Variants in CKAP5 observed in about 807,000 individuals in gnomAD.
CKAP5 encodes the protein cytoskeleton-associated protein 5.
CKAP5 carries 27 observed loss-of-function variants against 232.8 expected under a neutral mutation model. The observed-to-expected ratio is 0.12, with a 90% CI of 0.09 to 0.16. The LOEUF (loss-of-function observed/expected upper bound fraction) is 0.16, where lower values mean the gene tolerates loss of function less well. Among genes scored for constraint, CKAP5 ranks in the 10% least tolerant of loss-of-function variants. The pLI is 1.00. For synonymous variants in CKAP5, 785 were observed against 841.1 expected, an observed-to-expected ratio of 0.93 and a Z score of 1.16; for missense variants, 1,838 against 2,424.7, an observed-to-expected ratio of 0.76 and a Z score of 5.08.
At chr11:46,795,534 C>A in intron 13 of CKAP5, 60 bp downstream of exon 13, 2 of 1,403,420 alleles carry the variant, frequency 1.4e-6, no homozygotes, top group South Asian at 1.4e-5. Flanking sequence ...AGAGGAACAA[C>A]CACGAACCTG....
chr11:46,839,948 G>C (rs1220214626), intron 1 of CKAP5, among the ~76,000 whole-genome samples: 2 of 152,094 alleles, frequency 1.3e-5, no homozygotes, highest in East Asian at 1.9e-4. Flanking sequence ...AGACCAGCCT[G>C]AGTAACATGG....
At chr11:46,805,150 G>A (rs1939125740) in intron 8 of CKAP5, among the ~76,000 whole-genome samples, 1 of 151,954 alleles carries the variant, frequency 6.6e-6, no homozygotes, top group Non-Finnish European at 1.5e-5. Flanking sequence ...CAGGAGAATC[G>A]CTTGAACTCG....
At chr11:46,745,047 G>A (rs1432517964) in intron 42 of CKAP5, among the ~76,000 whole-genome samples, 1 of 152,196 alleles carries the variant, frequency 6.6e-6, no homozygotes, top group Non-Finnish European at 1.5e-5. Context: ...ATGGGGAAGA[G>A]AAGGTGTCCA....
intron 24 of CKAP5, among the ~76,000 whole-genome samples, chr11:46,772,604 G>C (rs900603098): frequency 2.0e-5 from 3 of 152,006 alleles, no homozygotes; most frequent in African/African-American, 7.3e-5. Flanking sequence ...ATTAGTGTGG[G>C]TCTATTTCTG....
intron 35 of CKAP5, among the ~76,000 whole-genome samples, chr11:46,757,498 A>T (rs968272916): frequency 2.6e-5 from 4 of 152,118 alleles, no homozygotes; most frequent in Non-Finnish European, 5.9e-5. Flanking sequence ...CTCAAAAAAA[A>T]AATTACAAAA....
chr11:46,806,174 C>T (rs1939150355), intron 8 of CKAP5, among the ~76,000 whole-genome samples: 1 of 152,146 alleles, frequency 6.6e-6, no homozygotes, highest in South Asian at 2.1e-4. Flanking sequence ...AATCTATTGT[C>T]TGTCTACTCA....
At chr11:46,843,910 T>G (rs916246906) in intron 1 of CKAP5, among the ~76,000 whole-genome samples, 1 of 152,028 alleles carries the variant, frequency 6.6e-6, no homozygotes, top group African/African-American at 2.4e-5. Context: ...AAAGTCCTAA[T>G]AGAAGCTACA....
rs78693407 is a variant in CKAP5 at position 46,842,245 on chromosome 11, G to C, written c.-38+3975C>G. Among the ~76,000 whole-genome samples, 314 of 152,252 alleles carry C rather than the reference G, an allele frequency of 2.1e-3. 1 individual carries two copies. The highest frequency in any genetic ancestry group is 6.8e-3 in the African/African-American group (284 of 41,548). ...AAGAAGGTGGTCTGCAAAAATCAAA[G>C]AACTATTGAAACCAGGGGGTACAAT... On this transcript the variant is annotated intron_variant, in intron 1 of 43. Coordinates refer to ENST00000529230, the MANE Select transcript of CKAP5 (RefSeq NM_001008938.4).
At position 46,743,960 on chromosome 11, in the gene CKAP5, A is replaced by G. The variant is rs2065003546; in HGVS notation, c.*63T>C. ...ACACTAGGCCTGCTGAGGCCATTTT[A>G]AACTATGAGGACTTCTAGTTTAGTA... On this transcript the variant is annotated 3_prime_UTR_variant, in exon 44 of 44. Coordinates refer to ENST00000529230, the MANE Select transcript of CKAP5 (RefSeq NM_001008938.4). 3.1e-6 allele frequency: 5 copies of G among 1,606,430 alleles called. No homozygotes were observed. In the African/African-American group the frequency reaches 4.0e-5, roughly 13 times the overall value.
At chr11:46,767,997 T>C (rs953994304) in intron 26 of CKAP5, among the ~76,000 whole-genome samples, 3 of 152,076 alleles carry the variant, frequency 2.0e-5, no homozygotes, top group African/African-American at 7.2e-5. Context: ...GGTTTCGCCA[T>C]GTTGCCCAGG....
chr11:46,778,706 T>TGTGTAAATAGGTA, intron 20 of CKAP5, 107 bp from the exon 21 acceptor site: 6 of 841,020 alleles, frequency 7.1e-6, no homozygotes, highest in Non-Finnish European at 1.1e-5. Flanking sequence ...GTAATACCTA[T>TGTGTAAATAGGTA]TTACACAGTA....
Position 46,751,544 on chromosome 11 carries a change from A to G in CKAP5, c.5134-10T>C. The G allele has an allele frequency of 1.9e-6, 3 of 1,595,960 alleles. No homozygotes were observed. Among genetic ancestry groups the G allele is most frequent in the Non-Finnish European group, 2.6e-6 (3 of 1,171,286 alleles). On this transcript the variant is annotated splice_polypyrimidine_tract_variant and intron_variant, in intron 38 of 43. Transcript: ENST00000529230. The stretch of plus-strand genomic sequence containing the variant: ...CCATTCTCCAGAGACACTATTGAAA[A>G]AAGAATAAAAGAGTTAGGAGTGACT...
intron 24 of CKAP5, among the ~76,000 whole-genome samples, chr11:46,771,587 C>T (rs529909530): frequency 6.6e-6 from 1 of 152,114 alleles, no homozygotes; most frequent in Non-Finnish European, 1.5e-5. Flanking sequence ...AAATAGTATT[C>T]CATGTATGGA....
chr11:46,763,008 C>T lies in CKAP5; in HGVS notation c.3859G>A (p.Ala1287Thr). 6.2e-7 allele frequency: 1 copy of T among 1,613,890 alleles called. No homozygotes were observed. The highest frequency in any genetic ancestry group is 8.5e-7 in the Non-Finnish European group (1 of 1,179,842). ...ACAAGATAGGGGATGAAGGAAGATG[C>T]TTCATTCTCAGTAAGATGATATTCT... ...EEEYHLTENE[A>T]SSFIPYLVVK... is the part of the protein sequence containing the mutation. Residue 1287 changes from alanine to threonine, a missense_variant, in exon 30 of 44, where the codon GCA becomes ACA. Around this residue, in one of 6 missense-constraint regions of CKAP5, gnomAD observed 48 missense variants for 98.1 expected, o/e 0.49. Transcript: ENST00000529230.
At chr11:46,747,475 G>A (rs1469470211) in intron 42 of CKAP5, among the ~76,000 whole-genome samples, 4 of 151,394 alleles carry the variant, frequency 2.6e-5, no homozygotes, top group East Asian at 2.0e-4. Flanking sequence ...GGAGGTGCAC[G>A]TCTATAATCC....
In CKAP5 at chr11:46,809,608, G is replaced by C. The variant is rs1203734880; in HGVS notation, c.764-108C>G. 8 of 1,321,564 alleles carry C rather than the reference G, an allele frequency of 6.1e-6. No individual in the cohort carries two copies. In the South Asian group the frequency reaches 7.4e-5, roughly 12 times the overall value. 81.9% of individuals were successfully genotyped at this position (1,321,564 alleles called of 1,614,324 possible). ...TGAAATTTTAATAGAGAAGGGACCA[G>C]AGTTATTAAAGCTACATGCAACTTA... On this transcript the variant is annotated intron_variant, in intron 6 of 43. Transcript: ENST00000529230.
At chr11:46,788,962 G>A (rs1177389899) in intron 15 of CKAP5, among the ~76,000 whole-genome samples, 189 bp from the exon 16 acceptor site, 1 of 152,152 alleles carries the variant, frequency 6.6e-6, no homozygotes, top group East Asian at 1.9e-4. Context: ...TGTCTATAAT[G>A]CTTTATTTCT....
Position 46,762,051 on chromosome 11 carries a change from A to C in CKAP5, c.4170T>G (p.Ile1390Met). 1 of 1,614,210 alleles carries C rather than the reference A, an allele frequency of 6.2e-7. No individual in the cohort carries two copies. Among genetic ancestry groups the C allele is most frequent in the East Asian group, 2.2e-5 (1 of 44,888 alleles). The part of the protein sequence containing the change: ...NAVRNAALNT[I>M]VTVYNVHGDQ... ...CCCCATGTACATTGTACACCGTTAC[A>C]ATGGTGTTGAGTGCAGCATTGCGTA... The change falls in exon 32 of 44, where the codon ATT (isoleucine) becomes ATG (methionine). Residue 1390 changes from isoleucine (I) to methionine (M), a missense_variant. Coordinates refer to ENST00000529230, the MANE Select transcript of CKAP5 (RefSeq NM_001008938.4).
chr11:46,772,535 G>A (rs1227894159), intron 24 of CKAP5, among the ~76,000 whole-genome samples: 1 of 152,088 alleles, frequency 6.6e-6, no homozygotes, highest in Non-Finnish European at 1.5e-5. Context: ...ATCATTTGTT[G>A]AAAAGACTAT....
Sources: gnomAD v4.1 joint callset for allele counts (sites outside exome capture counted in the v4.1 genomes callset) on GRCh38, gnomAD v4.1.1 for gene constraint, gnomAD v4.1.1 regional missense constraint, MANE v1.5 for transcripts, NCBI Gene and HGNC (gene_info 2026-07-23, HGNC 2026-07-21) for gene names.